The following NCKAP5 variants were observed in gnomAD, a reference collection of about 807,000 sequenced individuals.
The protein encoded by NCKAP5 is nck-associated protein 5.
In NCKAP5, 92 loss-of-function variants were observed where a neutral mutation model predicts 167.0. The observed-to-expected ratio is 0.55, with a 90% CI of 0.47 to 0.66. The LOEUF is 0.66. NCKAP5 is among the 30% of genes least tolerant of loss of function. The pLI, the probability that NCKAP5 is intolerant of heterozygous loss-of-function variation, is 0.00. For missense variants in NCKAP5, 2,378 were observed against 2,315.0 expected, an observed-to-expected ratio of 1.03 and a Z score of -0.56; for synonymous variants, 891 against 877.4, an observed-to-expected ratio of 1.02 and a Z score of -0.27.
chr2:132,734,868 G>A (rs547723307), intron 16 of NCKAP5, among the ~76,000 whole-genome samples: 47 of 152,334 alleles, frequency 3.1e-4, no homozygotes, highest in African/African-American at 9.6e-4. Context: ...ACCCCAAAGT[G>A]GGCTCTGCTC....
chr2:133,325,923 C>T (rs962842499), intron 3 of NCKAP5, among the ~76,000 whole-genome samples: 4 of 152,042 alleles, frequency 2.6e-5, no homozygotes, highest in Admixed American at 6.6e-5. Flanking sequence ...TTATTTTTGC[C>T]GGATGTCATC....
chr2:133,540,087 AG>A (rs1686100319), intron 2 of NCKAP5, among the ~76,000 whole-genome samples: 1 of 152,288 alleles, frequency 6.6e-6, no homozygotes, highest in Admixed American at 6.5e-5. Context: ...AGGCTGCGGT[AG>A]GGGAATTGCT....
intron 19 of NCKAP5, among the ~76,000 whole-genome samples, chr2:132,722,273 C>T (rs1689995226): frequency 6.6e-6 from 1 of 152,196 alleles, no homozygotes; most frequent in African/African-American, 2.4e-5. Flanking sequence ...GACACTTAGA[C>T]CATCCTCCCC....
At chr2:133,385,934 T>G in intron 3 of NCKAP5, among the ~76,000 whole-genome samples, 1 of 152,322 alleles carries the variant, frequency 6.6e-6, no homozygotes, top group Admixed American at 6.5e-5. Flanking sequence ...GATTCTTCTC[T>G]CTTTTCTTCT....
Position 133,015,326 on chromosome 2 carries a change from T to C in NCKAP5, c.342-21087A>G, listed in dbSNP as rs571862566. ...GAAATAAAGAAGACCTCTTCAAGAG[T>C]TGTCATTTTTGACCAGATAAAAGAA... On this transcript the variant is annotated intron_variant, in intron 6 of 19. Coordinates refer to ENST00000409261, the MANE Select transcript of NCKAP5 (RefSeq NM_207363.3). Among the ~76,000 whole-genome samples, 265 of 150,900 alleles carry C rather than the reference T, an allele frequency of 1.8e-3. 1 individual carries two copies. The highest frequency in any genetic ancestry group is 3.4e-3 in the Non-Finnish European group (229 of 67,872).
At chr2:132,887,847 G>A (rs535626189) in intron 8 of NCKAP5, among the ~76,000 whole-genome samples, 1 of 152,246 alleles carries the variant, frequency 6.6e-6, no homozygotes, top group South Asian at 2.1e-4. Flanking sequence ...ATAAGGTATT[G>A]CTATGTTGTC....
At chr2:133,334,251 A>G (rs1186361160) in intron 3 of NCKAP5, among the ~76,000 whole-genome samples, 1 of 152,110 alleles carries the variant, frequency 6.6e-6, no homozygotes, top group Non-Finnish European at 1.5e-5. Context: ...TTCCTGTTTC[A>G]TAGGGCTTTT....
intron 3 of NCKAP5, among the ~76,000 whole-genome samples, chr2:133,478,365 T>G (rs1012817905): frequency 9.2e-5 from 14 of 152,216 alleles, no homozygotes; most frequent in Non-Finnish European, 1.5e-4. Flanking sequence ...ATCTTTGTTT[T>G]CTTTGAAACT....
chr2:133,516,941 T>G (rs920571070), intron 3 of NCKAP5, among the ~76,000 whole-genome samples: 5 of 152,192 alleles, frequency 3.3e-5, no homozygotes, highest in African/African-American at 1.2e-4. Context: ...TCACACCGGA[T>G]AGCAAACCCA....
At chr2:133,218,139 T>C (rs986315026) in intron 4 of NCKAP5, among the ~76,000 whole-genome samples, 6 of 152,024 alleles carry the variant, frequency 3.9e-5, no homozygotes, top group African/African-American at 1.4e-4. Flanking sequence ...GACATATAAA[T>C]AAAAATGTAA....
chr2:132,727,464 C>T (rs1209204439), intron 18 of NCKAP5, among the ~76,000 whole-genome samples: 1 of 152,182 alleles, frequency 6.6e-6, no homozygotes, highest in Admixed American at 6.5e-5. Flanking sequence ...ATCAGCATCA[C>T]CTGGGGATTT....
intron 3 of NCKAP5, among the ~76,000 whole-genome samples, chr2:133,326,543 A>G (rs1682467158): frequency 6.6e-6 from 1 of 151,944 alleles, no homozygotes; most frequent in Admixed American, 6.5e-5. Flanking sequence ...CCACAGCAAG[A>G]GTCCTGTAAC....
intron 11 of NCKAP5, among the ~76,000 whole-genome samples, chr2:132,839,722 C>T (rs1688154539): frequency 7.2e-6 from 1 of 139,166 alleles, no homozygotes; most frequent in Non-Finnish European, 1.5e-5. Context: ...CATGGCACTG[C>T]TCTCCAGCCT....
intron 5 of NCKAP5, among the ~76,000 whole-genome samples, chr2:133,150,199 C>A (rs978122390): frequency 1.6e-4 from 24 of 152,144 alleles, no homozygotes; most frequent in Non-Finnish European, 5.9e-5. Flanking sequence ...TTAAATTGTA[C>A]ATCTTTCTGA....
At chr2:132,786,654 AG>A (rs936026938) in intron 13 of NCKAP5, among the ~76,000 whole-genome samples, 1 of 152,032 alleles carries the variant, frequency 6.6e-6, no homozygotes, top group African/African-American at 2.4e-5. Context: ...AAGAAATGGA[AG>A]GGGGAAAAAA....
At chr2:133,375,733 GGTCTCCAGC>G (rs1368115754) in intron 3 of NCKAP5, among the ~76,000 whole-genome samples, 3 of 152,148 alleles carry the variant, frequency 2.0e-5, no homozygotes, top group Non-Finnish European at 4.4e-5. Context: ...TAAGGATAAT[GGTCTCCAGC>G]TCCATCCATG....
At chr2:133,049,743 A>C (rs2079540718) in intron 6 of NCKAP5, among the ~76,000 whole-genome samples, 1 of 152,038 alleles carries the variant, frequency 6.6e-6, no homozygotes, top group South Asian at 2.1e-4. Flanking sequence ...CGTCACCAAG[A>C]CGTGTGCTTG....
intron 2 of NCKAP5, 68 bp downstream of exon 2, chr2:133,558,982 C>A (rs1402663704): frequency 6.6e-6 from 1 of 151,850 alleles, no homozygotes; most frequent in Non-Finnish European, 1.5e-5. Flanking sequence ...ATGATAAGAG[C>A]CAATAATGAG....
chr2:132,683,213 C>T lies in NCKAP5; in HGVS notation c.5714-9908G>A, dbSNP rs140455207. On this transcript the variant is annotated intron_variant, in intron 19 of 19. Coordinates refer to ENST00000409261, the MANE Select transcript of NCKAP5 (RefSeq NM_207363.3). ...TCTATAGATGGACGAATATGCTATC[C>T]GTTCTGACATCCCGAAAGGACCAGA... Among the ~76,000 whole-genome samples, 44 of 152,100 alleles carry T rather than the reference C, an allele frequency of 2.9e-4. No individual in the cohort carries two copies. The East Asian group carries it at 7.0e-3, about 24-fold the overall frequency.
Sources: gnomAD v4.1 joint callset for allele counts (sites outside exome capture counted in the v4.1 genomes callset) on GRCh38, gnomAD v4.1.1 for gene constraint, MANE v1.5 for transcripts, NCBI Gene and HGNC (gene_info 2026-07-23, HGNC 2026-07-21) for gene names.